The following TANK variants were observed in gnomAD, a reference collection of about 807,000 sequenced individuals.
TANK encodes the protein TRAF family member-associated NF-kappa-B activator.
TANK carries 15 observed loss-of-function variants against 43.6 expected under a neutral mutation model. The observed-to-expected ratio is 0.34, with a 90% CI of 0.23 to 0.53. The LOEUF is 0.53. Among genes scored for constraint, TANK ranks in the 20% least tolerant of loss-of-function variants. TANK has a pLI of 0.94. For synonymous variants in TANK, 162 were observed against 178.2 expected (o/e 0.91, Z 0.73); for missense variants, 417 against 498.6 (o/e 0.84, Z 1.56).
chr2:161,150,677 G>T lies in TANK; in HGVS notation c.-50+13614G>T, dbSNP rs534876645. 2.1e-5 allele frequency among the ~76,000 whole-genome samples: 3 copies of T among 142,294 alleles called. No homozygotes were observed. The South Asian group carries it at 6.5e-4, about 31-fold the overall frequency. 93.4% of individuals were successfully genotyped at this position (142,294 alleles called of 152,430 possible). ...TCTTGGCTCACTGCAATCTCTGCCTGCCAGGTTCAAGCGATTCTCCTGCCT... is the reference window on the plus strand; with the variant it reads ...TCTTGGCTCACTGCAATCTCTGCCTTCCAGGTTCAAGCGATTCTCCTGCCT... On this transcript the variant is annotated intron_variant, in intron 1 of 7. Coordinates refer to the TANK transcript ENST00000259075.
At chr2:161,229,795 C>G (rs1433640502) in intron 6 of TANK, among the ~76,000 whole-genome samples, 1 of 152,156 alleles carries the variant, frequency 6.6e-6, no homozygotes, top group Non-Finnish European at 1.5e-5. Flanking sequence ...GGTAATGTCT[C>G]CATTTGTGAA....
At chr2:161,143,666 G>A (rs888102074) in intron 1 of TANK, among the ~76,000 whole-genome samples, 2 of 152,108 alleles carry the variant, frequency 1.3e-5, no homozygotes, top group African/African-American at 4.8e-5. Context: ...GGATGAAGCT[G>A]ACTTGATCTT....
chr2:161,171,503 T>C (rs928937286), intron 1 of TANK, among the ~76,000 whole-genome samples: 14 of 152,170 alleles, frequency 9.2e-5, no homozygotes, highest in African/African-American at 3.4e-4. Flanking sequence ...TGAAGAGCTG[T>C]AGAGTCCTGT....
chr2:161,140,359 C>G (rs1335730767), intron 1 of TANK, among the ~76,000 whole-genome samples: 1 of 152,080 alleles, frequency 6.6e-6, no homozygotes, highest in Non-Finnish European at 1.5e-5. Context: ...AGAAATTACT[C>G]TTTTTAAAAA....
At chr2:161,178,585 T>G (rs1685276715) in intron 1 of TANK, among the ~76,000 whole-genome samples, 1 of 152,056 alleles carries the variant, frequency 6.6e-6, no homozygotes, top group Non-Finnish European at 1.5e-5. Flanking sequence ...ATCTTGATGG[T>G]GATGCTTGCA....
At chr2:161,201,977 A>G (rs1469636925) in intron 2 of TANK, among the ~76,000 whole-genome samples, 1 of 152,184 alleles carries the variant, frequency 6.6e-6, no homozygotes, top group Non-Finnish European at 1.5e-5. Flanking sequence ...GTGAACATAT[A>G]CTGAACATCT....
chr2:161,160,517 C>A, intron 1 of TANK, 31 bp downstream of exon 1: 1 of 1,288,470 alleles, frequency 7.8e-7, no homozygotes, highest in South Asian at 2.6e-5. Context: ...ATTGGTGTGT[C>A]CGAATCCGTC....
intron 1 of TANK, among the ~76,000 whole-genome samples, chr2:161,151,918 C>T (rs766420693): frequency 6.6e-6 from 1 of 151,210 alleles, no homozygotes; most frequent in Non-Finnish European, 1.5e-5. Context: ...CATTTTATTC[C>T]CTTCTCATTT....
Position 161,204,837 on chromosome 2 carries a change from G to A in TANK, c.327+44G>A, listed in dbSNP as rs199580840. On this transcript the variant is annotated intron_variant, in intron 4 of 7. Coordinates refer to ENST00000392749, the MANE Select transcript of TANK (RefSeq NM_001199135.3). ...GAAAGCAGCATTTAAATGCTGATGC[G>A]TGACATAGCTTCCTCATTTTATTTT... The A allele has an allele frequency of 1.9e-4, 301 of 1,588,728 alleles. 2 individuals carry two copies. The highest frequency in any genetic ancestry group is 2.2e-4 in the African/African-American group (16 of 72,504).
chr2:161,152,435 T>G (rs970333793), intron 1 of TANK, among the ~76,000 whole-genome samples: 6 of 152,164 alleles, frequency 3.9e-5, no homozygotes, highest in Non-Finnish European at 5.9e-5. Flanking sequence ...GGTTTACACT[T>G]TTTTCTAGCA....
chr2:161,227,613 C>T (rs949234375), intron 6 of TANK, among the ~76,000 whole-genome samples: 12 of 152,130 alleles, frequency 7.9e-5, no homozygotes, highest in African/African-American at 2.9e-4. Context: ...TAGTACATGC[C>T]ATGTGGAAGT....
intron 4 of TANK, chr2:161,211,899 A>G: frequency 3.0e-6 from 3 of 984,908 alleles, no homozygotes; most frequent in Non-Finnish European, 3.6e-6. Context: ...AAACTGCATT[A>G]TATATACCCT....
intron 4 of TANK, among the ~76,000 whole-genome samples, chr2:161,214,058 A>G (rs1280073686): frequency 6.6e-6 from 1 of 152,190 alleles, no homozygotes. Context: ...TAACATCATC[A>G]CTGATTGCAT....
chr2:161,221,657 G>A (rs868372501), intron 4 of TANK, among the ~76,000 whole-genome samples: 3 of 149,810 alleles, frequency 2.0e-5, no homozygotes, highest in Admixed American at 2.0e-4. Context: ...TCAGAAAACC[G>A]TTTACTTTTT....
intron 1 of TANK, among the ~76,000 whole-genome samples, chr2:161,150,151 GTAT>G (rs201107973): frequency 0.01 from 1,521 of 152,078 alleles, 13 homozygotes; most frequent in Non-Finnish European, 0.015. Context: ...TTCAATCTCT[GTAT>G]TATTATCAGT....
In TANK at chr2:161,235,591, G is replaced by A; in HGVS notation, c.*73G>A. The A allele has an allele frequency of 1.7e-6, 2 of 1,189,252 alleles. No individual in the cohort carries two copies. Among genetic ancestry groups the A allele is most frequent in the Non-Finnish European group, 2.3e-6 (2 of 885,788 alleles). The allele number at this position is 1,189,252 out of a possible 1,614,324, so 73.7% of individuals were successfully genotyped here. Reference sequence around the variant, plus strand: ...TTTTTAATACTATAAATACTTGATTGTAAACTAAATTCAAGATCATTTATA... The same window carrying A: ...TTTTTAATACTATAAATACTTGATTATAAACTAAATTCAAGATCATTTATA... On this transcript the variant is annotated 3_prime_UTR_variant, in exon 8 of 8. Coordinates refer to ENST00000392749, the MANE Select transcript of TANK (RefSeq NM_001199135.3).
At chr2:161,179,265 C>A (rs1685311950) in intron 1 of TANK, among the ~76,000 whole-genome samples, 1 of 152,064 alleles carries the variant, frequency 6.6e-6, no homozygotes, top group South Asian at 2.1e-4. Flanking sequence ...AAAATGAAAT[C>A]CCTTCCCACA....
intron 2 of TANK, among the ~76,000 whole-genome samples, chr2:161,194,510 A>T (rs1686057476): frequency 6.6e-6 from 1 of 152,176 alleles, no homozygotes; most frequent in African/African-American, 2.4e-5. Flanking sequence ...TTGACTTGCC[A>T]GTAAGGCTGA....
chr2:161,166,836 C>T (rs967054023), intron 1 of TANK, among the ~76,000 whole-genome samples: 1 of 152,148 alleles, frequency 6.6e-6, no homozygotes, highest in African/African-American at 2.4e-5. Flanking sequence ...CAGAATTTGT[C>T]TTTCATTCAC....
Sources: allele counts gnomAD v4.1 joint callset (sites outside exome capture counted in the v4.1 genomes callset), GRCh38; gene constraint gnomAD v4.1.1; transcripts MANE v1.5; gene names NCBI Gene and HGNC (gene_info 2026-07-23, HGNC 2026-07-21).